Variants in TSPEAR observed in about 807,000 individuals in gnomAD.
The protein encoded by TSPEAR is thrombospondin type laminin G domain and EAR repeats.
In TSPEAR, 69 loss-of-function variants were observed where a neutral mutation model predicts 71.6. The observed-to-expected ratio is 0.96, with a 90% CI of 0.79 to 1.18. The LOEUF (loss-of-function observed/expected upper bound fraction) is 1.18. Among genes scored for constraint, TSPEAR ranks in the 50% most tolerant of loss-of-function variants. The probability of loss-of-function intolerance (pLI) is 0.00; values close to 1 mark genes in which losing one functional copy is unlikely to be tolerated. For synonymous variants in TSPEAR, 402 were observed against 387.2 expected, an observed-to-expected ratio of 1.04 and a Z score of -0.45; for missense variants, 971 against 894.9, an observed-to-expected ratio of 1.09 and a Z score of -1.09.
Position 44,528,541 on chromosome 21 carries a change from G to A in TSPEAR, c.833C>T (p.Thr278Ile). Residue 278 changes from threonine (T) to isoleucine (I), a missense_variant, in exon 6 of 12, where the codon ACC becomes ATC. Physicochemically the swap from Thr to Ile is moderately conservative, Grantham distance 89. Coordinates refer to ENST00000323084, the MANE Select transcript of TSPEAR (RefSeq NM_144991.3). ...CCAGAACTGGGCGTCTTCCACCTCG[G>A]TACACGGTGGCTGGGGTCCCAGCGT... ...RVTLGPQPPC[T>I]EVEDAQFWFD... The A allele has an allele frequency of 6.2e-7, 1 of 1,614,130 alleles. No individual in the cohort carries two copies. Among genetic ancestry groups the A allele is most frequent in the African/African-American group, 1.3e-5 (1 of 75,056 alleles).
intron 1 of TSPEAR, among the ~76,000 whole-genome samples, chr21:44,678,722 A>G (rs1188636802): frequency 1.3e-5 from 2 of 152,226 alleles, no homozygotes; most frequent in African/African-American, 4.8e-5. Context: ...TATATTTAGA[A>G]AAATCTAAAG....
intron 1 of TSPEAR, among the ~76,000 whole-genome samples, chr21:44,674,303 A>T (rs1555946511): frequency 6.8e-6 from 1 of 147,692 alleles, no homozygotes; most frequent in Non-Finnish European, 1.5e-5. Flanking sequence ...GGTCTTTTAA[A>T]AAGATAAAAA....
intron 1 of TSPEAR, among the ~76,000 whole-genome samples, chr21:44,650,378 A>C (rs1412407761): frequency 5.9e-5 from 4 of 67,612 alleles, no homozygotes; most frequent in African/African-American, 2.8e-4. Flanking sequence ...AAAAAGGCAA[A>C]ATTTGCACAC....
chr21:44,517,016 G>A (rs896723690), intron 9 of TSPEAR, among the ~76,000 whole-genome samples: 22 of 152,260 alleles, frequency 1.4e-4, no homozygotes, highest in Non-Finnish European at 2.2e-4. Context: ...GCACAGGAAG[G>A]CCGTCCTGGC....
At chr21:44,581,036 A>AAT (rs1165312070) in intron 1 of TSPEAR, among the ~76,000 whole-genome samples, 5 of 152,206 alleles carry the variant, frequency 3.3e-5, no homozygotes, top group Non-Finnish European at 7.3e-5. Flanking sequence ...TAGGTAGAAA[A>AAT]ATATGCATTT....
chr21:44,550,337 AGAGTCAGCACG>A (rs1253410944), intron 2 of TSPEAR: 1 of 377,098 alleles, frequency 2.7e-6, no homozygotes, highest in African/African-American at 2.0e-5. Flanking sequence ...CTGGGTGCGG[AGAGTCAGCACG>A]GAGTCAGCTG....
At chr21:44,605,378 C>G (rs1327428713) in intron 1 of TSPEAR, among the ~76,000 whole-genome samples, 1 of 152,126 alleles carries the variant, frequency 6.6e-6, no homozygotes, top group Admixed American at 6.5e-5. Context: ...TCCATACTAC[C>G]TAAAGCTATC....
chr21:44,689,740 T>TATATATATATATATATATATATATATATA (rs1555949490), intron 1 of TSPEAR, among the ~76,000 whole-genome samples: 60 of 125,092 alleles, frequency 4.8e-4, no homozygotes, highest in African/African-American at 7.2e-4. Flanking sequence ...TATATATATA[T>TATATATATATATATATATATATATATATA]TTTGGGGGGG....
At chr21:44,551,201 C>T in intron 2 of TSPEAR, 3 of 1,584,366 alleles carry the variant, frequency 1.9e-6, no homozygotes, top group Middle Eastern at 1.7e-4. Context: ...AGCAAGCCGG[C>T]TGGCAGCTAG....
At chr21:44,533,604 C>A in intron 3 of TSPEAR, 81 bp downstream of exon 3, 1 of 1,227,298 alleles carries the variant, frequency 8.1e-7, no homozygotes. Flanking sequence ...GCAGGTGTTG[C>A]TCGGCGAGCA....
At position 44,499,913 on chromosome 21, in the gene TSPEAR, A is replaced by G; in HGVS notation, c.1880T>C (p.Val627Ala). 6.2e-7 allele frequency: 1 copy of G among 1,608,200 alleles called. No individual in the cohort carries two copies. The highest frequency in any genetic ancestry group is 8.5e-7 in the Non-Finnish European group (1 of 1,178,322). ...GACGGTGGGGAGGCTGTGCACCGCC[A>G]CGAAGCCCTCGTAGCCCTGCCACCT... ...IYRWQGYEGF[V>A]AVHSLPTVGC... Residue 627 changes from valine to alanine, a missense_variant, in exon 12 of 12, where the codon GTG becomes GCG. Coordinates refer to ENST00000323084, the MANE Select transcript of TSPEAR (RefSeq NM_144991.3).
intron 1 of TSPEAR, among the ~76,000 whole-genome samples, chr21:44,636,978 C>T (rs587765272): frequency 7.2e-5 from 11 of 152,356 alleles, no homozygotes; most frequent in Admixed American, 7.2e-4. Flanking sequence ...CGTCCTGGCT[C>T]TCCCAATCTC....
chr21:44,602,462 C>T (rs1981012629), intron 1 of TSPEAR, among the ~76,000 whole-genome samples: 1 of 152,244 alleles, frequency 6.6e-6, no homozygotes, highest in Non-Finnish European at 1.5e-5. Context: ...ACCCCATGGC[C>T]GTGTGCAGAA....
intron 9 of TSPEAR, among the ~76,000 whole-genome samples, chr21:44,521,087 A>G (rs1555914190): frequency 6.6e-6 from 1 of 152,236 alleles, no homozygotes; most frequent in East Asian, 1.9e-4. Context: ...CAGGGGGCAC[A>G]GAAGATTCCA....
intron 1 of TSPEAR, among the ~76,000 whole-genome samples, chr21:44,643,548 A>G (rs1442045749): frequency 1.3e-5 from 2 of 152,224 alleles, no homozygotes; most frequent in African/African-American, 4.8e-5. Flanking sequence ...TTGTTTGTCA[A>G]TTATATCTCA....
At chr21:44,596,113 G>A (rs587661055) in intron 1 of TSPEAR, among the ~76,000 whole-genome samples, 130 of 152,348 alleles carry the variant, frequency 8.5e-4, no homozygotes, top group Non-Finnish European at 1.7e-3. Context: ...CCAAGCTCAT[G>A]TGATTGTTGG....
At chr21:44,692,273 G>C (rs1383050756) in intron 1 of TSPEAR, among the ~76,000 whole-genome samples, 1 of 152,188 alleles carries the variant, frequency 6.6e-6, no homozygotes, top group African/African-American at 2.4e-5. Flanking sequence ...AAGACTGAAA[G>C]CTTTCCCCCT....
intron 1 of TSPEAR, among the ~76,000 whole-genome samples, chr21:44,607,930 C>T (rs782320696): frequency 1.3e-5 from 2 of 152,188 alleles, no homozygotes; most frequent in Non-Finnish European, 1.5e-5. Flanking sequence ...GCTTTTGCCA[C>T]ACAAGTCATG....
chr21:44,634,472 A>G (rs9808722), intron 1 of TSPEAR, among the ~76,000 whole-genome samples: 97,561 of 152,054 alleles, frequency 0.64, 31,620 homozygotes, highest in Admixed American at 0.69. Context: ...ACAAAAGGAA[A>G]AAATAGATAA....
Sources: allele counts gnomAD v4.1 joint callset (sites outside exome capture counted in the v4.1 genomes callset), GRCh38; gene constraint gnomAD v4.1.1; transcripts MANE v1.5; gene names NCBI Gene and HGNC (gene_info 2026-07-23, HGNC 2026-07-21).